UNC13B: variants seen among roughly 807,000 people sequenced by gnomAD.
The protein encoded by UNC13B is protein unc-13 homolog B.
Under a neutral mutation model 211.0 loss-of-function variants are expected in UNC13B, and 144 were observed. The ratio of observed to expected loss-of-function variants is 0.68; its 90% CI spans 0.60 to 0.78. The LOEUF is 0.78. Among genes scored for constraint, UNC13B ranks in the 30% least tolerant of loss-of-function variants. The pLI, the probability that UNC13B is intolerant of heterozygous loss-of-function variation, is 0.00. For synonymous variants in UNC13B, 709 were observed against 725.8 expected (o/e 0.98, Z 0.37); for missense variants, 1,777 against 2,002.0 (o/e 0.89, Z 2.14).
chr9:35,185,993 T>TC (rs1002446447), intron 1 of UNC13B, among the ~76,000 whole-genome samples: 1 of 149,430 alleles, frequency 6.7e-6, no homozygotes, highest in African/African-American at 2.5e-5. Flanking sequence ...TGAATGGACC[T>TC]CCCCCCTTGG....
At chr9:35,299,719 A>T (rs1829578754) in intron 8 of UNC13B, among the ~76,000 whole-genome samples, 1 of 152,110 alleles carries the variant, frequency 6.6e-6, no homozygotes, top group Admixed American at 6.6e-5. Context: ...TTTTAGTCTG[A>T]ATGCTTTTTA....
At chr9:35,254,731 CTCA>C (rs1008366475) in intron 6 of UNC13B, among the ~76,000 whole-genome samples, 2 of 150,470 alleles carry the variant, frequency 1.3e-5, no homozygotes, top group Admixed American at 1.3e-4. Context: ...ATTGATCTTA[CTCA>C]TCAACTCTTA....
intron 1 of UNC13B, among the ~76,000 whole-genome samples, chr9:35,214,911 G>C (rs1395890905): frequency 6.6e-6 from 1 of 152,152 alleles, no homozygotes; most frequent in Non-Finnish European, 1.5e-5. Flanking sequence ...TGATGAAAGG[G>C]ATTTTTCTTT....
Position 35,380,571 on chromosome 9 carries a change from A to G in UNC13B, c.10307A>G (p.Asp3436Gly). ...VKQRLKRESD[D>G]FLGQTIIEVR... ...CAACGCCTAAAGCGAGAGTCTGATG[A>G]TTTCCTTGGCCAAACCATCATTGAG... Residue 3436 changes from aspartate (D) to glycine (G), a missense_variant, in exon 18 of 40, where the codon GAT (aspartate) becomes GGT (glycine). Coordinates refer to ENST00000635942, the MANE Select transcript of UNC13B (RefSeq NM_001371189.2). 8 of 1,614,170 alleles carry G rather than the reference A, an allele frequency of 5.0e-6. No homozygotes were observed. Among genetic ancestry groups the G allele is most frequent in the Non-Finnish European group, 6.8e-6 (8 of 1,180,042 alleles).
At chr9:35,357,190 T>G (rs940674635) in intron 11 of UNC13B, among the ~76,000 whole-genome samples, 15 of 152,202 alleles carry the variant, frequency 9.9e-5, no homozygotes, top group African/African-American at 3.6e-4. Flanking sequence ...GTATTTACAT[T>G]CCCACCCGTA....
intron 11 of UNC13B, among the ~76,000 whole-genome samples, chr9:35,322,377 C>T (rs1340290227): frequency 2.6e-5 from 4 of 151,936 alleles, no homozygotes; most frequent in Admixed American, 1.3e-4. Flanking sequence ...GTGGAAGGGA[C>T]AGTTCAGGAG....
chr9:35,367,723 C>G (rs1165042931), intron 12 of UNC13B, among the ~76,000 whole-genome samples: 3 of 152,128 alleles, frequency 2.0e-5, no homozygotes, highest in Non-Finnish European at 4.4e-5. Flanking sequence ...AGTAACACCC[C>G]TTTCTGAGCT....
At chr9:35,395,694 T>G (rs1177816029) in intron 26 of UNC13B, among the ~76,000 whole-genome samples, 3 of 152,224 alleles carry the variant, frequency 2.0e-5, no homozygotes, top group Non-Finnish European at 4.4e-5. Context: ...TGGCCAGTGC[T>G]CCAGACTCTG....
At chr9:35,279,237 T>C (rs998100856) in intron 7 of UNC13B, among the ~76,000 whole-genome samples, 3 of 152,190 alleles carry the variant, frequency 2.0e-5, no homozygotes, top group Admixed American at 6.5e-5. Flanking sequence ...ACTGATCTAC[T>C]TTCTGTCTCT....
chr9:35,402,141 A>G (rs1366857159), intron 37 of UNC13B: 2 of 768,838 alleles, frequency 2.6e-6, no homozygotes, highest in Non-Finnish European at 2.2e-6. Flanking sequence ...AGTCTTAGAG[A>G]TGGGTAATGC....
intron 7 of UNC13B, among the ~76,000 whole-genome samples, chr9:35,261,687 A>G (rs1827282674): frequency 6.6e-6 from 1 of 152,092 alleles, no homozygotes; most frequent in South Asian, 2.1e-4. Context: ...TAGTCACCCT[A>G]TTGTGCTAGC....
chr9:35,183,546 C>T (rs1822114421), intron 1 of UNC13B, among the ~76,000 whole-genome samples: 1 of 133,304 alleles, frequency 7.5e-6, no homozygotes, highest in Admixed American at 7.5e-5. Context: ...AGATGAAGGG[C>T]GGCCAGGCAG....
At chr9:35,316,392 C>T (rs894261758) in intron 11 of UNC13B, among the ~76,000 whole-genome samples, 1 of 152,008 alleles carries the variant, frequency 6.6e-6, no homozygotes, top group East Asian at 1.9e-4. Context: ...TATGAGCACT[C>T]TTAATTTGAC....
chr9:35,237,410 C>T (rs1338000007), intron 4 of UNC13B, among the ~76,000 whole-genome samples: 1 of 152,124 alleles, frequency 6.6e-6, no homozygotes, highest in Non-Finnish European at 1.5e-5. Flanking sequence ...AAGAACTGTG[C>T]AGGTTAAATA....
intron 11 of UNC13B, among the ~76,000 whole-genome samples, chr9:35,323,408 T>C (rs944565247): frequency 7.2e-5 from 11 of 152,214 alleles, no homozygotes; most frequent in Middle Eastern, 3.2e-3. Context: ...GTAGTTGCAA[T>C]GCAAATCCTG....
intron 6 of UNC13B, among the ~76,000 whole-genome samples, chr9:35,244,170 G>C (rs1256719932): frequency 6.6e-6 from 1 of 151,950 alleles, no homozygotes; most frequent in Non-Finnish European, 1.5e-5. Flanking sequence ...GAGAAACAAA[G>C]GAGACTGAGA....
intron 11 of UNC13B, chr9:35,353,605 T>C (rs1231076316): frequency 1.3e-5 from 16 of 1,232,012 alleles, no homozygotes; most frequent in Non-Finnish European, 1.6e-5. Context: ...TGGCTCCATG[T>C]CTGGGAAGTG....
At chr9:35,263,372 C>G (rs1320078974) in intron 7 of UNC13B, among the ~76,000 whole-genome samples, 1 of 151,762 alleles carries the variant, frequency 6.6e-6, no homozygotes, top group Non-Finnish European at 1.5e-5. Flanking sequence ...ACAGTTATCC[C>G]TCAGTATACT....
intron 32 of UNC13B, 51 bp from the exon 33 acceptor site, chr9:35,398,831 G>A (rs1363394671): frequency 6.3e-7 from 1 of 1,595,698 alleles, no homozygotes; most frequent in African/African-American, 1.3e-5. Context: ...GCCGCTCCAG[G>A]GACAGTGTGT....
Sources: gnomAD v4.1 joint callset for allele counts (sites outside exome capture counted in the v4.1 genomes callset) on GRCh38, gnomAD v4.1.1 for gene constraint, MANE v1.5 for transcripts, NCBI Gene and HGNC (gene_info 2026-07-23, HGNC 2026-07-21) for gene names.